The following CHST12 variants were observed in gnomAD, a reference collection of about 807,000 sequenced individuals.
The protein encoded by CHST12 is carbohydrate (chondroitin 4) sulfotransferase 12.
CHST12 carries 23 observed loss-of-function variants against 27.9 expected under a neutral mutation model. The ratio of observed to expected loss-of-function variants is 0.82; its 90% CI spans 0.59 to 1.17. The LOEUF (loss-of-function observed/expected upper bound fraction) is 1.17. Among genes scored for constraint, CHST12 ranks in the 50% most tolerant of loss-of-function variants. The pLI, the probability that CHST12 is intolerant of heterozygous loss-of-function variation, is 0.00. For missense variants in CHST12, 682 were observed against 603.0 expected (o/e 1.13, Z -1.37); for synonymous variants, 322 against 273.0 (o/e 1.18, Z -1.77).
rs752422764 is a variant in CHST12, at chr7:2,407,037, TA to T, written c.-78+3376del. 7.3e-3 allele frequency among the ~76,000 whole-genome samples: 1,045 copies of T among 142,920 alleles called. 10 individuals carry two copies. Among genetic ancestry groups the T allele is most frequent in the South Asian group, 0.027 (122 of 4,568 alleles). The allele number at this position is 142,920 out of a possible 152,430, so 93.8% of individuals were successfully genotyped here. A position where few individuals can be genotyped will look rare whatever the true frequency, so the allele number is the denominator to read the frequency against. On this transcript the variant is annotated intron_variant, in intron 1 of 1. Transcript: ENST00000618655. ...TATCCAAAAAGAGAACTCTCGGATG[TA>T]AAAAAAAAAAATAAAAGCAGAAATA...
Position 2,433,239 on chromosome 7 carries a change from G to A in CHST12, c.600G>A (p.Leu200=), listed in dbSNP as rs1297679943. Residue 200 remains leucine, a synonymous_variant, in exon 2 of 2, where the codon CTG becomes CTA. Transcript: ENST00000618655. This position sits in a 1 kb window ranked among gnomAD's most constrained non-coding sequence, Gnocchi z 6.1. ...GCGGTGCGCCCTACCGCGACCCGCT[G>A]CGCATCCCGCGCGAGCACGTGCACA... ...LHRGAPYRDP[L]RIPREHVHNA... The A allele has an allele frequency of 6.2e-7, 1 of 1,611,612 alleles. No individual in the cohort carries two copies. The highest frequency in any genetic ancestry group is 8.5e-7 in the Non-Finnish European group (1 of 1,178,858).
chr7:2,428,877 T>A (rs1263396683), intron 1 of CHST12, among the ~76,000 whole-genome samples: 1 of 152,116 alleles, frequency 6.6e-6, no homozygotes, highest in Non-Finnish European at 1.5e-5. Context: ...GACCAGAAAT[T>A]CTCAGAAGGG....
chr7:2,431,093 A>G (rs910976484), intron 1 of CHST12, among the ~76,000 whole-genome samples: 1 of 152,192 alleles, frequency 6.6e-6, no homozygotes, highest in Non-Finnish European at 1.5e-5. Context: ...GAAGTGTTGA[A>G]GTCTCCAGCC....
At chr7:2,418,419 C>T (rs1781868019) in intron 1 of CHST12, among the ~76,000 whole-genome samples, 1 of 152,216 alleles carries the variant, frequency 6.6e-6, no homozygotes, top group South Asian at 2.1e-4. Flanking sequence ...CTGTGGGTTC[C>T]CTTGCTGGAG....
intron 1 of CHST12, among the ~76,000 whole-genome samples, chr7:2,426,788 C>T (rs1782134063): frequency 6.6e-6 from 1 of 151,990 alleles, no homozygotes; most frequent in Non-Finnish European, 1.5e-5. Flanking sequence ...GTCAGGAGTT[C>T]AAGACCAGCC....
At chr7:2,409,914 G>C (rs1007710550) in intron 1 of CHST12, among the ~76,000 whole-genome samples, 2 of 151,888 alleles carry the variant, frequency 1.3e-5, no homozygotes, top group Admixed American at 1.3e-4. Context: ...ATGCTGTCTC[G>C]TCGTTGTGGT....
chr7:2,422,065 GT>G, intron 1 of CHST12, among the ~76,000 whole-genome samples: 1 of 152,256 alleles, frequency 6.6e-6, no homozygotes, highest in East Asian at 1.9e-4. Context: ...CCCTTATCTA[GT>G]TCTTAGGTAC....
intron 1 of CHST12, among the ~76,000 whole-genome samples, chr7:2,431,260 T>G (rs1782263186): frequency 6.6e-6 from 1 of 152,228 alleles, no homozygotes; most frequent in Admixed American, 6.5e-5. Context: ...TCTCTAGTAG[T>G]TTCCTTCCTT....
In CHST12 at chr7:2,447,201, A is replaced by C. The variant is rs1402728882; in HGVS notation, c.*13317A>C. ...TGGAAGCAGGAAGACCCCATACAGC[A>C]GCGACCACTGAGGCTGGTGCTGCAC... is the stretch of plus-strand genomic sequence containing the variant. On this transcript the variant is annotated 3_prime_UTR_variant, in exon 2 of 2. Transcript: ENST00000618655. 6.6e-6 allele frequency: 1 copy of C among 152,168 alleles called. No individual in the cohort carries two copies. The highest frequency in any genetic ancestry group is 1.5e-5 in the Non-Finnish European group (1 of 68,054). The allele number at this position is 152,168 out of a possible 1,614,324, so 9.4% of individuals were successfully genotyped here.
chr7:2,407,412 C>T lies in CHST12; in HGVS notation c.-78+3739C>T, dbSNP rs369791087. 1.4e-3 allele frequency among the ~76,000 whole-genome samples: 208 copies of T among 151,982 alleles called. 4 individuals carry two copies. In the South Asian group the frequency reaches 0.026, roughly 19 times the overall value. ...GCAGTGAGCTGTGATCATGCCACTG[C>T]CATCCAGCCTGGGTGACAGAGCAAG... On this transcript the variant is annotated intron_variant, in intron 1 of 1. Transcript: ENST00000618655.
chr7:2,413,445 G>T (rs1456576683), intron 1 of CHST12, among the ~76,000 whole-genome samples: 1 of 152,296 alleles, frequency 6.6e-6, no homozygotes, highest in Admixed American at 6.5e-5. Context: ...TGCAGTTTGA[G>T]GAACGTGGCC....
At position 2,434,580 on chromosome 7, in the gene CHST12, A is replaced by G. The variant is rs990987473; in HGVS notation, c.*696A>G. The G allele has an allele frequency of 1.6e-3, 46 of 28,334 alleles. No homozygotes were observed. The highest frequency in any genetic ancestry group is 1.9e-3 in the Non-Finnish European group (34 of 17,440). The allele number at this position is 28,334 out of a possible 1,614,324, so 1.8% of individuals were successfully genotyped here. ...AACATGGTGAAACCCTGTCTCTACT[A>G]AAAAAAAAAAAAAAAAAAAAAAAAA... On this transcript the variant is annotated 3_prime_UTR_variant, in exon 2 of 2. Coordinates refer to ENST00000618655, the MANE Select transcript of CHST12 (RefSeq NM_018641.5).
intron 1 of CHST12, among the ~76,000 whole-genome samples, chr7:2,429,460 T>C (rs1189207344): frequency 6.6e-6 from 1 of 152,192 alleles, no homozygotes; most frequent in Non-Finnish European, 1.5e-5. Flanking sequence ...CTGTAAGAGA[T>C]TGTATAAAAT....
chr7:2,432,714 C>T lies in CHST12; in HGVS notation c.75C>T (p.Tyr25=). Residue 25 remains tyrosine, a synonymous_variant, in exon 2 of 2, where the codon TAC becomes TAT. Coordinates refer to ENST00000618655, the MANE Select transcript of CHST12 (RefSeq NM_018641.5). The stretch of plus-strand genomic sequence containing the variant: ...TCATGATCCTGCTGATCATCGTGTA[C>T]TGGGACAGCGCAGGCGCCGCGCACT... ...SVFMILLIIV[Y]WDSAGAAHFY... 1 of 1,613,962 alleles carries T rather than the reference C, an allele frequency of 6.2e-7. No homozygotes were observed. The highest frequency in any genetic ancestry group is 8.5e-7 in the Non-Finnish European group (1 of 1,179,908).
intron 1 of CHST12, among the ~76,000 whole-genome samples, chr7:2,412,933 T>C (rs1781705241): frequency 6.6e-6 from 1 of 152,018 alleles, no homozygotes. Flanking sequence ...TGGCTCTTGG[T>C]AGAAAGCATG....
Position 2,445,342 on chromosome 7 carries a change from C to A in CHST12, c.*11458C>A, listed in dbSNP as rs560523726. On this transcript the variant is annotated 3_prime_UTR_variant, in exon 2 of 2. Transcript: ENST00000618655. ...TGTTTTGCATCTTCAGAAAAAAGCT[C>A]CTGTGGGATATTTCTCCTCCAGCCG... The A allele has an allele frequency of 2.0e-5, 3 of 152,372 alleles. No homozygotes were observed. The highest frequency in any genetic ancestry group is 3.9e-4 in the East Asian group (2 of 5,192). 9.4% of individuals were successfully genotyped at this position (152,372 alleles called of 1,614,324 possible). A position where few individuals can be genotyped will look rare whatever the true frequency, so the allele number is the denominator to read the frequency against.
intron 1 of CHST12, among the ~76,000 whole-genome samples, chr7:2,415,869 C>T (rs1781794162): frequency 2.0e-5 from 3 of 152,204 alleles, no homozygotes; most frequent in South Asian, 2.1e-4. Context: ...GCACCTCAGC[C>T]TCCCAAAGTG....
chr7:2,410,425 A>G (rs1334312315), intron 1 of CHST12, among the ~76,000 whole-genome samples: 2 of 152,160 alleles, frequency 1.3e-5, no homozygotes, highest in Admixed American at 1.3e-4. Context: ...AGGCAGGAGG[A>G]TGGCTTGAGC....
chr7:2,420,175 G>T lies in CHST12; in HGVS notation c.-77-12388G>T, dbSNP rs574799091. On this transcript the variant is annotated intron_variant, in intron 1 of 1. Transcript: ENST00000618655. ...TTTTTAGTAGAGACGGGGTTTCACC[G>T]TGTTAGCCAGGATGGTCTTGATCTC... Among the ~76,000 whole-genome samples the T allele has an allele frequency of 2.0e-5, 3 of 151,394 alleles. No individual in the cohort carries two copies. In the East Asian group the frequency reaches 5.8e-4, roughly 29 times the overall value.
Sources: gnomAD v4.1 joint callset for allele counts (sites outside exome capture counted in the v4.1 genomes callset) on GRCh38, gnomAD v4.1.1 for gene constraint, Gnocchi (gnomAD v3.1) non-coding constraint, MANE v1.5 for transcripts, NCBI Gene and HGNC (gene_info 2026-07-23, HGNC 2026-07-21) for gene names.